Variants in FAM90A1 observed in about 807,000 individuals in gnomAD.
The protein encoded by FAM90A1 is family with sequence similarity 90 member A1.
A neutral mutation model predicts 14.8 loss-of-function variants in FAM90A1; 10 were observed. The ratio of observed to expected loss-of-function variants is 0.67; its 90% CI spans 0.42 to 1.14. FAM90A1 has a LOEUF of 1.14. Among genes scored for constraint, FAM90A1 ranks in the 50% most tolerant of loss-of-function variants. The probability of loss-of-function intolerance (pLI) is 0.00; values close to 1 mark genes in which losing one functional copy is unlikely to be tolerated. For synonymous variants in FAM90A1, 236 were observed against 248.4 expected (o/e 0.95, Z 0.47); for missense variants, 567 against 602.8 (o/e 0.94, Z 0.62).
chr12:8,225,672 G>C (rs1948927397), intron 3 of FAM90A1, among the ~76,000 whole-genome samples, 164 bp downstream of exon 3: 2 of 152,052 alleles, frequency 1.3e-5, no homozygotes, highest in Admixed American at 1.3e-4. Flanking sequence ...CATGGAGACG[G>C]AAATGCTTTC....
rs144148552 is a variant in FAM90A1 at position 8,223,537 on chromosome 12, T to G, written c.344A>C (p.Lys115Thr). 1,398 of 1,587,104 alleles carry G rather than the reference T, an allele frequency of 8.8e-4. 3 individuals carry two copies. Among genetic ancestry groups the G allele is most frequent in the Middle Eastern group, 1.1e-3 (5 of 4,398 alleles). ...ERPRPQDPQR[K>T]ALLHIFSRKP... The stretch of plus-strand genomic sequence containing the variant: ...CCTGGAAAATATGTGGAGGAGAGCC[T>G]TCCTCTGCGGGTCTTGTGGCCTGCA... Residue 115 changes from lysine (K) to threonine (T), a missense_variant, in exon 6 of 7, where the codon AAG becomes ACG. By Grantham distance (78) the Lys-to-Thr change is moderately conservative (BLOSUM62 -1). Coordinates refer to ENST00000538603, the MANE Select transcript of FAM90A1 (RefSeq NM_018088.3).
In FAM90A1 at chr12:8,221,671, T is replaced by C; in HGVS notation, c.*151A>G. ...AGAGTCCCTGCATCTGCTCCCTGCC[T>C]GGCCTGGGCTCCCACATCCACAGAA... On this transcript the variant is annotated 3_prime_UTR_variant, in exon 7 of 7. Transcript: ENST00000538603. 1.2e-6 allele frequency: 1 copy of C among 843,364 alleles called. No homozygotes were observed. The highest frequency in any genetic ancestry group is 1.7e-5 in the South Asian group (1 of 60,386). The allele number at this position is 843,364 out of a possible 1,614,324, so 52.2% of individuals were successfully genotyped here.
rs781764226 is a variant in FAM90A1 at position 8,221,790 on chromosome 12, T to C, written c.*32A>G. On this transcript the variant is annotated 3_prime_UTR_variant, in exon 7 of 7. Coordinates refer to ENST00000538603, the MANE Select transcript of FAM90A1 (RefSeq NM_018088.3). Reference sequence around the variant, plus strand: ...ACAGTCCCCTCCAAGTCACGGGAGCTGGAGGCCAAGGAGCCCCTGCCACCT... The same window carrying C: ...ACAGTCCCCTCCAAGTCACGGGAGCCGGAGGCCAAGGAGCCCCTGCCACCT... 9 of 1,577,384 alleles carry C rather than the reference T, an allele frequency of 5.7e-6. No homozygotes were observed. The highest frequency in any genetic ancestry group is 2.2e-5 in the South Asian group (2 of 90,492).
At position 8,222,254 on chromosome 12, in the gene FAM90A1, C is replaced by G; in HGVS notation, c.963G>C (p.Gln321His). Reference protein sequence around the residue: ...GPFQIPESAIQGGELGAPENL... With the variant: ...GPFQIPESAIHGGELGAPENL... ...TCTCCGGGGCCCCCAGCTCACCTCCCTGGATGGCGCTTTCGGGGATCTGGA... is the reference window on the plus strand; with the variant it reads ...TCTCCGGGGCCCCCAGCTCACCTCCGTGGATGGCGCTTTCGGGGATCTGGA... The change falls in exon 7 of 7, where the codon CAG becomes CAC. Residue 321 changes from glutamine (Q) to histidine (H), a missense_variant. Coordinates refer to ENST00000538603, the MANE Select transcript of FAM90A1 (RefSeq NM_018088.3). 6.2e-7 allele frequency: 1 copy of G among 1,611,290 alleles called. No homozygotes were observed. The highest frequency in any genetic ancestry group is 1.1e-5 in the South Asian group (1 of 90,978).
rs766115350 is a variant in FAM90A1 at position 8,223,035 on chromosome 12, G to T, written c.433-251C>A. 5.2e-5 allele frequency among the ~76,000 whole-genome samples: 8 copies of T among 152,386 alleles called. No individual in the cohort carries two copies. In the South Asian group the frequency reaches 1.7e-3, roughly 32 times the overall value. On this transcript the variant is annotated intron_variant, in intron 6 of 6. Transcript: ENST00000538603. ...TCAAAAGATTGCGTCTTAGGCATTA[G>T]CTGGATCAAAGCGCCTCCACTCAGC...
chr12:8,225,774 T>C (rs1948929617), intron 3 of FAM90A1, 62 bp downstream of exon 3: 1 of 152,084 alleles, frequency 6.6e-6, no homozygotes, highest in Non-Finnish European at 1.5e-5. Context: ...GCCTCCTTTG[T>C]CTCTTTTCCC....
At position 8,222,751 on chromosome 12, in the gene FAM90A1, T is replaced by C. The variant is rs779578800; in HGVS notation, c.466A>G (p.Ser156Gly). ...ACAGGGTCCACACGCGGCCTCTTAC[T>C]GGTTGTGTGGACCGGCATTGGCCCG... Reference protein sequence around the residue: ...ASGPMPVHTTSKRPRVDPVLS... With the variant: ...ASGPMPVHTTGKRPRVDPVLS... The change falls in exon 7 of 7, where the codon AGT (serine) becomes GGT (glycine). Residue 156 changes from serine (S) to glycine (G), a missense_variant. Coordinates refer to ENST00000538603, the MANE Select transcript of FAM90A1 (RefSeq NM_018088.3). The C allele has an allele frequency of 1.7e-5, 27 of 1,602,100 alleles. No individual in the cohort carries two copies. In the East Asian group the frequency reaches 4.5e-4, roughly 26 times the overall value.
At position 8,222,238 on chromosome 12, in the gene FAM90A1, C is replaced by G; in HGVS notation, c.979G>C (p.Ala327Pro). ...ESAIQGGELG[A>P]PENLQPPPAA... ...GGCGGAGGTTGGAGATTCTCCGGGGCCCCCAGCTCACCTCCCTGGATGGCG... is the reference window on the plus strand; with the variant it reads ...GGCGGAGGTTGGAGATTCTCCGGGGGCCCCAGCTCACCTCCCTGGATGGCG... The change falls in exon 7 of 7, where the codon GCC becomes CCC. Residue 327 changes from alanine (A) to proline (P), a missense_variant. Transcript: ENST00000538603. 1.9e-6 allele frequency: 3 copies of G among 1,610,412 alleles called. No individual in the cohort carries two copies. The highest frequency in any genetic ancestry group is 2.5e-6 in the Non-Finnish European group (3 of 1,179,240).
At position 8,224,008 on chromosome 12, in the gene FAM90A1, C is replaced by T. The variant is rs1374139898; in HGVS notation, c.323+8G>A. The T allele has an allele frequency of 1.2e-6, 2 of 1,611,906 alleles. No homozygotes were observed. Among genetic ancestry groups the T allele is most frequent in the Admixed American group, 1.7e-5 (1 of 60,022 alleles). The stretch of plus-strand genomic sequence containing the variant: ...CTAAGAGTGGTGAAAACCACTCCCA[C>T]TGCTCACCTTGGTCTCTCTTCCTTC... On this transcript the variant is annotated splice_region_variant and intron_variant, in intron 5 of 6. Coordinates refer to ENST00000538603, the MANE Select transcript of FAM90A1 (RefSeq NM_018088.3).
At chr12:8,224,477 G>A (rs1446594224) in intron 4 of FAM90A1, among the ~76,000 whole-genome samples, 2 of 152,244 alleles carry the variant, frequency 1.3e-5, no homozygotes, top group African/African-American at 4.8e-5. Context: ...ACAGCCAAAC[G>A]TGGCTACACA....
At position 8,224,966 on chromosome 12, in the gene FAM90A1, A is replaced by G. The variant is rs1449310520; in HGVS notation, c.-56-78T>C. On this transcript the variant is annotated intron_variant, in intron 3 of 6. Transcript: ENST00000538603. ...ACACACCCACAGGAAGCCCCCCGCT[A>G]ATTCCTTGCCGGTGTGGTCATGAGG... is the stretch of plus-strand genomic sequence containing the variant. The G allele has an allele frequency of 3.4e-5, 39 of 1,156,568 alleles. No homozygotes were observed. The East Asian group carries it at 9.3e-4, about 28-fold the overall frequency. The allele number at this position is 1,156,568 out of a possible 1,614,324, so 71.6% of individuals were successfully genotyped here. A position where few individuals can be genotyped will look rare whatever the true frequency, so the allele number is the denominator to read the frequency against.
rs1006591476 is a variant in FAM90A1, at chr12:8,227,377, G to C, written c.-421+103C>G. On this transcript the variant is annotated intron_variant, in intron 1 of 6. Transcript: ENST00000538603. ...CTTGGAACCTGCGCCATGTGATCTG[G>C]GGGCTGTGTCAGGGCAGCGGGAGTC... 5 of 348,576 alleles carry C rather than the reference G, an allele frequency of 1.4e-5. 1 individual carries two copies. In the South Asian group the frequency reaches 1.6e-4, roughly 11 times the overall value. The allele number at this position is 348,576 out of a possible 1,614,324, so 21.6% of individuals were successfully genotyped here. A position where few individuals can be genotyped will look rare whatever the true frequency, so the allele number is the denominator to read the frequency against.
At position 8,222,765 on chromosome 12, in the gene FAM90A1, G is replaced by A. The variant is rs774810584; in HGVS notation, c.452C>T (p.Pro151Leu). 22 of 1,599,816 alleles carry A rather than the reference G, an allele frequency of 1.4e-5. No individual in the cohort carries two copies. Among genetic ancestry groups the A allele is most frequent in the African/African-American group, 4.0e-5 (3 of 74,808 alleles). The change falls in exon 7 of 7, where the codon CCG becomes CTG. Residue 151 changes from proline to leucine, a missense_variant. Physicochemically the swap from Pro to Leu is moderately conservative, Grantham distance 98 (BLOSUM62 -3). Coordinates refer to ENST00000538603, the MANE Select transcript of FAM90A1 (RefSeq NM_018088.3). The part of the protein sequence containing the change: ...DYLRVASGPM[P>L]VHTTSKRPRV... ...CGGCCTCTTACTGGTTGTGTGGACC[G>A]GCATTGGCCCGCTTGCAACCTGAAA... is the stretch of plus-strand genomic sequence containing the variant.
At position 8,224,209 on chromosome 12, in the gene FAM90A1, A is replaced by G. The variant is rs1948892460; in HGVS notation, c.130T>C (p.Cys44Arg). 1 of 1,611,768 alleles carries G rather than the reference A, an allele frequency of 6.2e-7. No individual in the cohort carries two copies. The highest frequency in any genetic ancestry group is 8.5e-7 in the Non-Finnish European group (1 of 1,179,700). ...TGGCCAAAGGCCTCACAGTTTTTGC[A>G]CTTGAGCTGTGGGTGGAAAGGAAGT... ...PPDEEDPRLKCKNCEAFGHTA... is the reference protein window; with the variant it reads ...PPDEEDPRLKRKNCEAFGHTA... The change falls in exon 5 of 7, where the codon TGC becomes CGC. Residue 44 changes from cysteine (C) to arginine (R), a missense_variant. Physicochemically the swap from Cys to Arg is radical, Grantham distance 180. Coordinates refer to ENST00000538603, the MANE Select transcript of FAM90A1 (RefSeq NM_018088.3).
chr12:8,224,442 C>T (rs1315659221), intron 4 of FAM90A1, among the ~76,000 whole-genome samples: 7 of 134,990 alleles, frequency 5.2e-5, no homozygotes, highest in Admixed American at 1.5e-4. Context: ...CTAAGGGGCA[C>T]GATGGTGAAC....
Position 8,222,039 on chromosome 12 carries a change from C to A in FAM90A1, c.1178G>T (p.Arg393Ile). The A allele has an allele frequency of 6.2e-7, 1 of 1,603,760 alleles. No homozygotes were observed. ...AASHDGAQPL[R>I]VLFRRLENGR... Reference sequence around the variant, plus strand: ...GTTTTCCAGTCTCCGAAAGAGCACTCTGAGAGGCTGGGCCCCATCATGGCT... The same window carrying A: ...GTTTTCCAGTCTCCGAAAGAGCACTATGAGAGGCTGGGCCCCATCATGGCT... Residue 393 changes from arginine to isoleucine, a missense_variant, in exon 7 of 7, where the codon AGA becomes ATA. Physicochemically the swap from Arg to Ile is moderately conservative, Grantham distance 97. Transcript: ENST00000538603.
chr12:8,223,984 T>A (rs748707402), intron 5 of FAM90A1, 32 bp downstream of exon 5: 5 of 1,598,294 alleles, frequency 3.1e-6, no homozygotes, highest in Non-Finnish European at 3.4e-6. Context: ...GGCAGTACCC[T>A]AAGAGTGGTG....
chr12:8,224,582 G>A, intron 4 of FAM90A1, 128 bp downstream of exon 4: 1 of 855,220 alleles, frequency 1.2e-6, no homozygotes, highest in Non-Finnish European at 1.8e-6. Flanking sequence ...CCTTGGATGG[G>A]AAAAGCAACC....
chr12:8,221,865 T>C lies in FAM90A1; in HGVS notation c.1352A>G (p.Gln451Arg), dbSNP rs753153521. ...GCTGTCCTCTGAGGAGGAGGGAACC[T>C]GAAGGTCCTCATAGAGGACGCTTGG... is the stretch of plus-strand genomic sequence containing the variant. ...VPPSVLYEDL[Q>R]VPSSSEDSDS... The change falls in exon 7 of 7, where the codon CAG becomes CGG. Residue 451 changes from glutamine (Q) to arginine (R), a missense_variant. Gln to Arg is a conservative substitution (Grantham distance 43, BLOSUM62 1). Coordinates refer to ENST00000538603, the MANE Select transcript of FAM90A1 (RefSeq NM_018088.3). The C allele has an allele frequency of 5.6e-6, 9 of 1,596,376 alleles. No individual in the cohort carries two copies. The South Asian group carries it at 9.9e-5, about 18-fold the overall frequency.
Sources: allele counts gnomAD v4.1 joint callset (sites outside exome capture counted in the v4.1 genomes callset), GRCh38; gene constraint gnomAD v4.1.1; transcripts MANE v1.5; gene names NCBI Gene and HGNC (gene_info 2026-07-23, HGNC 2026-07-21).